AQP6: variants seen among roughly 807,000 people sequenced by gnomAD.
The protein encoded by AQP6 is aquaporin-6.
AQP6 carries 14 observed loss-of-function variants against 16.3 expected under a neutral mutation model. The ratio of observed to expected loss-of-function variants is 0.86; its 90% confidence interval spans 0.57 to 1.34. AQP6 has a LOEUF of 1.34. Among genes scored for constraint, AQP6 ranks in the 40% most tolerant of loss-of-function variants. The pLI is 0.00. For synonymous variants in AQP6, 178 were observed against 166.8 expected (o/e 1.07, Z -0.52); for missense variants, 331 against 379.7 (o/e 0.87, Z 1.07).
At position 49,975,876 on chromosome 12, in the gene AQP6, A is replaced by T; in HGVS notation, c.*205A>T. On this transcript the variant is annotated 3_prime_UTR_variant, in exon 4 of 4. Coordinates refer to ENST00000315520, the MANE Select transcript of AQP6 (RefSeq NM_001652.4). This position sits in a 1 kb window ranked among gnomAD's most constrained non-coding sequence, Gnocchi z 4.4. ...CATTCCCTCTCTGTAGGGCTTCCCCACCTCTCGGTGGGACAGAGCAGAGGA... is the reference window on the plus strand; with the variant it reads ...CATTCCCTCTCTGTAGGGCTTCCCCTCCTCTCGGTGGGACAGAGCAGAGGA... 3.5e-6 allele frequency: 2 copies of T among 569,414 alleles called. No individual in the cohort carries two copies. The highest frequency in any genetic ancestry group is 5.8e-5 in the South Asian group (1 of 17,328). 35.3% of individuals were successfully genotyped at this position (569,414 alleles called of 1,614,324 possible). A position where few individuals can be genotyped will look rare whatever the true frequency, so the allele number is the denominator to read the frequency against.
In AQP6 at chr12:49,973,402, A is replaced by AGCGGGGCCCACGCCAACCCCGCCGTGAC. The variant is rs1265384029; in HGVS notation, c.232_259dup (p.Leu87ArgfsTer237). 1 of 1,612,866 alleles carries AGCGGGGCCCACGCCAACCCCGCCGTGAC rather than the reference A, an allele frequency of 6.2e-7. No individual in the cohort carries two copies. The highest frequency in any genetic ancestry group is 8.5e-7 in the Non-Finnish European group (1 of 1,180,032). ...GGCTGTGCAGGTCACCTGGAAGGCC[A>AGCGGGGCCCACGCCAACCCCGCCGTGAC]GCGGGGCCCACGCCAACCCCGCCGT... On this transcript the variant is annotated frameshift_variant, in exon 1 of 4. Transcript: ENST00000315520. LOFTEE classifies it high-confidence loss of function.
intron 1 of AQP6, 57 bp from the exon 2 acceptor site, chr12:49,974,265 TTC>T (rs1947553685): frequency 2.7e-6 from 4 of 1,460,826 alleles, no homozygotes; most frequent in Non-Finnish European, 3.6e-6. Context: ...TGGCAGGGGT[TTC>T]TCTGTCTGTC....
In AQP6 at chr12:49,975,368, G is replaced by A. The variant is rs950802759; in HGVS notation, c.643-97G>A. Reference sequence around the variant, plus strand: ...CTTACAGACAGTTGAGGGAGACCTGGGAGATCAAGTCGGCACTGGGGAAGC... The same window carrying A: ...CTTACAGACAGTTGAGGGAGACCTGAGAGATCAAGTCGGCACTGGGGAAGC... On this transcript the variant is annotated intron_variant, in intron 3 of 3. Coordinates refer to ENST00000315520, the MANE Select transcript of AQP6 (RefSeq NM_001652.4). The surrounding 1 kb of genome is among the most constrained non-coding windows in gnomAD (Gnocchi z 4.4). The A allele has an allele frequency of 1.1e-5, 16 of 1,502,418 alleles. No homozygotes were observed. Among genetic ancestry groups the A allele is most frequent in the African/African-American group, 4.2e-5 (3 of 71,256 alleles). The allele number at this position is 1,502,418 out of a possible 1,614,324, so 93.1% of individuals were successfully genotyped here.
rs1031917948 is a variant in AQP6 at position 49,976,214 on chromosome 12, G to A, written c.*543G>A. On this transcript the variant is annotated 3_prime_UTR_variant, in exon 4 of 4. Coordinates refer to ENST00000315520, the MANE Select transcript of AQP6 (RefSeq NM_001652.4). ...CTCCTTCAGACTGGGGGCTTCCTGA[G>A]GACAGAGACTGCTCTACCAATAGAT... 1 of 152,564 alleles carries A rather than the reference G, an allele frequency of 6.6e-6. No individual in the cohort carries two copies. Among genetic ancestry groups the A allele is most frequent in the Admixed American group, 6.5e-5 (1 of 15,294 alleles). The allele number at this position is 152,564 out of a possible 1,614,324, so 9.5% of individuals were successfully genotyped here.
intron 3 of AQP6, 119 bp downstream of exon 3, chr12:49,974,945 CTTCCT>C: frequency 1.4e-6 from 2 of 1,466,730 alleles, no homozygotes; most frequent in Non-Finnish European, 9.0e-7. Context: ...TTGGCTGAGA[CTTCCT>C]TTCTTTTCGG....
chr12:49,974,266 T>C (rs1396254130), intron 1 of AQP6, 58 bp from the exon 2 acceptor site: 16 of 1,460,308 alleles, frequency 1.1e-5, no homozygotes, highest in Non-Finnish European at 1.4e-5. Flanking sequence ...GGCAGGGGTT[T>C]CTCTGTCTGT....
rs1431529130 is a variant in AQP6 at position 49,976,906 on chromosome 12, T to G, written c.*1235T>G. 1.4e-6 allele frequency: 1 copy of G among 698,154 alleles called. No homozygotes were observed. Among genetic ancestry groups the G allele is most frequent in the East Asian group, 2.7e-5 (1 of 37,232 alleles). The allele number at this position is 698,154 out of a possible 1,614,324, so 43.2% of individuals were successfully genotyped here. ...CAGGAGGGACCCAGGAAACTAAGAT[T>G]TGAGATTCAGTGCCTCTGAAAGACT... is the stretch of plus-strand genomic sequence containing the variant. On this transcript the variant is annotated 3_prime_UTR_variant, in exon 4 of 4. Transcript: ENST00000315520.
At chr12:49,974,616 C>T (rs1421075566) in intron 2 of AQP6, 130 bp from the exon 3 acceptor site, 1 of 1,426,434 alleles carries the variant, frequency 7.0e-7, no homozygotes. Flanking sequence ...ACCCCCTGCA[C>T]TCTAGGCCCA....
chr12:49,975,326 G>T lies in AQP6; in HGVS notation c.643-139G>T, dbSNP rs141046422. The T allele has an allele frequency of 5.7e-3, 8,279 of 1,449,622 alleles. 33 individuals carry two copies. Among genetic ancestry groups the T allele is most frequent in the Non-Finnish European group, 6.7e-3 (7,413 of 1,108,568 alleles). The allele number at this position is 1,449,622 out of a possible 1,614,324, so 89.8% of individuals were successfully genotyped here. On this transcript the variant is annotated intron_variant, in intron 3 of 3. Transcript: ENST00000315520. The surrounding 1 kb of genome is among the most constrained non-coding windows in gnomAD (Gnocchi z 4.4). ...GTGGGCTTGGGAAACACGACTCGTG[G>T]TTCTCAAATTTAGCACCTTACAGAC...
chr12:49,974,959 G>T (rs142971657), intron 3 of AQP6, 133 bp downstream of exon 3: 3 of 1,449,284 alleles, frequency 2.1e-6, no homozygotes, highest in Non-Finnish European at 2.7e-6. Flanking sequence ...CTTTCTTTTC[G>T]GCTTCAGTTG....
Position 49,976,964 on chromosome 12 carries a change from C to G in AQP6, c.*1293C>G, listed in dbSNP as rs767103937. ...TCTAAGTTGGTTTAATAGTTAAAAG[C>G]TGCTGTAGATTTATTCTGCCCACAA... On this transcript the variant is annotated 3_prime_UTR_variant, in exon 4 of 4. Coordinates refer to ENST00000315520, the MANE Select transcript of AQP6 (RefSeq NM_001652.4). 3 of 701,796 alleles carry G rather than the reference C, an allele frequency of 4.3e-6. No individual in the cohort carries two copies. The highest frequency in any genetic ancestry group is 7.8e-6 in the Non-Finnish European group (3 of 384,690). 43.5% of individuals were successfully genotyped at this position (701,796 alleles called of 1,614,324 possible).
rs1163889180 is a variant in AQP6, at chr12:49,975,456, TCTC to T, written c.643-5_643-3del. ...CTCCTGGGTGGGGTGACGACATCCT[TCTC>T]CTCAGGTCTTCTGGGTGGGGCCCCT... On this transcript the variant is annotated splice_region_variant and splice_polypyrimidine_tract_variant and intron_variant, in intron 3 of 3. Transcript: ENST00000315520. The surrounding 1 kb of genome is among the most constrained non-coding windows in gnomAD (Gnocchi z 4.4). 6.3e-7 allele frequency: 1 copy of T among 1,582,734 alleles called. No homozygotes were observed. Among genetic ancestry groups the T allele is most frequent in the Admixed American group, 1.9e-5 (1 of 52,184 alleles).
chr12:49,976,080 C>T lies in AQP6; in HGVS notation c.*409C>T, dbSNP rs148422643. On this transcript the variant is annotated 3_prime_UTR_variant, in exon 4 of 4. Transcript: ENST00000315520. Reference sequence around the variant, plus strand: ...CCAGCTTCTTACCCACCCAGGAAACCCTTGGTCCAGAGAGGACAGGCTTTC... The same window carrying T: ...CCAGCTTCTTACCCACCCAGGAAACTCTTGGTCCAGAGAGGACAGGCTTTC... The T allele has an allele frequency of 1.3e-5, 2 of 157,912 alleles. No homozygotes were observed. Among genetic ancestry groups the T allele is most frequent in the African/African-American group, 4.8e-5 (2 of 41,584 alleles). 9.8% of individuals were successfully genotyped at this position (157,912 alleles called of 1,614,324 possible). A position where few individuals can be genotyped will look rare whatever the true frequency, so the allele number is the denominator to read the frequency against.
rs1947562629 is a variant in AQP6 at position 49,975,247 on chromosome 12, T to G, written c.643-218T>G. 2 of 1,344,040 alleles carry G rather than the reference T, an allele frequency of 1.5e-6. No homozygotes were observed. The highest frequency in any genetic ancestry group is 3.6e-5 in the Admixed American group (1 of 27,604). The allele number at this position is 1,344,040 out of a possible 1,614,324, so 83.3% of individuals were successfully genotyped here. A position where few individuals can be genotyped will look rare whatever the true frequency, so the allele number is the denominator to read the frequency against. Reference sequence around the variant, plus strand: ...AGGCCCCAGCCACGGCTGCAGAGCCTGGGCTCAGCCCCAGGGAGGGCAGGG... The same window carrying G: ...AGGCCCCAGCCACGGCTGCAGAGCCGGGGCTCAGCCCCAGGGAGGGCAGGG... On this transcript the variant is annotated intron_variant, in intron 3 of 3. Transcript: ENST00000315520. The surrounding 1 kb of genome is among the most constrained non-coding windows in gnomAD (Gnocchi z 4.4).
Position 49,975,644 on chromosome 12 carries a change from G to A in AQP6, c.822G>A (p.Ser274=), listed in dbSNP as rs373927685. Residue 274 remains serine (S), a synonymous_variant, in exon 4 of 4, where the codon TCG becomes TCA. Transcript: ENST00000315520. The surrounding 1 kb of genome is among the most constrained non-coding windows in gnomAD (Gnocchi z 4.4). The part of the protein sequence containing the change: ...EPLKKESQPG[S]GAVEMESV ...TGAAGAAGGAATCCCAGCCGGGTTC[G>A]GGAGCCGTGGAGATGGAGAGTGTGT... 7.4e-5 allele frequency: 118 copies of A among 1,585,436 alleles called. No individual in the cohort carries two copies. The highest frequency in any genetic ancestry group is 9.7e-5 in the Non-Finnish European group (114 of 1,170,062).
chr12:49,973,974 G>A, intron 1 of AQP6: 3 of 1,158,228 alleles, frequency 2.6e-6, no homozygotes, highest in Non-Finnish European at 3.2e-6. Context: ...TCCACCTCGA[G>A]GCCTGCCTCA....
chr12:49,974,485 A>C lies in AQP6; in HGVS notation c.561+3A>C. On this transcript the variant is annotated splice_donor_region_variant and intron_variant, in intron 2 of 3. Coordinates refer to ENST00000315520, the MANE Select transcript of AQP6 (RefSeq NM_001652.4). ...TGGCACTGGGCCACCTCATTGGGGT[A>C]AGGAACAGAGGGGACACCGTGCACA... 1.2e-6 allele frequency: 2 copies of C among 1,603,442 alleles called. No homozygotes were observed. The highest frequency in any genetic ancestry group is 2.2e-5 in the South Asian group (2 of 89,702).
chr12:49,974,291 C>T lies in AQP6; in HGVS notation c.403-33C>T, dbSNP rs201632112. On this transcript the variant is annotated intron_variant, in intron 1 of 3. Coordinates refer to ENST00000315520, the MANE Select transcript of AQP6 (RefSeq NM_001652.4). ...TCTCTGTCTGTCCGTGGGCAGAGCCCGCGTCTGGTCCAGAGTAACTCCCTC... is the reference window on the plus strand; with the variant it reads ...TCTCTGTCTGTCCGTGGGCAGAGCCTGCGTCTGGTCCAGAGTAACTCCCTC... 45 of 1,497,868 alleles carry T rather than the reference C, an allele frequency of 3.0e-5. No individual in the cohort carries two copies. In the South Asian group the frequency reaches 3.9e-4, roughly 13 times the overall value. 92.8% of individuals were successfully genotyped at this position (1,497,868 alleles called of 1,614,324 possible). A position where few individuals can be genotyped will look rare whatever the true frequency, so the allele number is the denominator to read the frequency against.
chr12:49,972,976 C>T lies in AQP6; in HGVS notation c.-198C>T. 1.4e-6 allele frequency: 1 copy of T among 718,006 alleles called. No homozygotes were observed. Among genetic ancestry groups the T allele is most frequent in the Non-Finnish European group, 2.2e-6 (1 of 451,850 alleles). The allele number at this position is 718,006 out of a possible 1,614,324, so 44.5% of individuals were successfully genotyped here. ...ACATGCATAAGCCCATCCGCCTGCG[C>T]CCTGCCAGTCTGACCAGCACAGTCC... On this transcript the variant is annotated 5_prime_UTR_variant, in exon 1 of 4. Transcript: ENST00000315520.
Sources: allele counts gnomAD v4.1 joint callset, GRCh38; gene constraint gnomAD v4.1.1; non-coding constraint Gnocchi (gnomAD v3.1); transcripts MANE v1.5; gene names NCBI Gene and HGNC (gene_info 2026-07-23, HGNC 2026-07-21).